The following NCOR2 variants were observed in gnomAD, a reference collection of about 807,000 sequenced individuals.
NCOR2 encodes the protein CTG repeat protein 26.
Under a neutral mutation model 262.9 loss-of-function variants are expected in NCOR2, and 81 were observed. The ratio of observed to expected loss-of-function variants is 0.31; its 90% CI spans 0.26 to 0.37. NCOR2 has a LOEUF of 0.37. Ranked by LOEUF, NCOR2 falls within the 10% of genes least tolerant of loss-of-function variation. The probability of loss-of-function intolerance (pLI) is 1.00; values close to 1 mark genes in which losing one functional copy is unlikely to be tolerated. For missense variants in NCOR2, 3,385 were observed against 3,621.4 expected (o/e 0.93, Z 1.68); for synonymous variants, 1,659 against 1,559.3 (o/e 1.06, Z -1.51).
At chr12:124,561,325 A>G (rs1196638181) in intron 1 of NCOR2, among the ~76,000 whole-genome samples, 1 of 152,148 alleles carries the variant, frequency 6.6e-6, no homozygotes, top group African/African-American at 2.4e-5. Context: ...ATTAAAAGTA[A>G]AAACTAAAAT....
intron 41 of NCOR2, 165 bp downstream of exon 43, chr12:124,334,259 T>A (rs985390334): frequency 1.9e-6 from 1 of 540,346 alleles, no homozygotes; most frequent in Non-Finnish European, 3.2e-6. Flanking sequence ...TCGTTATGTA[T>A]CCGCTCTGTG....
intron 13 of NCOR2, among the ~76,000 whole-genome samples, chr12:124,415,730 C>T (rs2042823492): frequency 6.6e-6 from 1 of 152,190 alleles, no homozygotes; most frequent in Admixed American, 6.5e-5. Flanking sequence ...CAGCAAAGCC[C>T]CACCAACTCC....
chr12:124,359,916 G>T (rs1221226823), intron 22 of NCOR2, among the ~76,000 whole-genome samples: 1 of 152,230 alleles, frequency 6.6e-6, no homozygotes, highest in East Asian at 1.9e-4. Context: ...GAGCTGAGCT[G>T]CAAGCCAGGC....
rs2050759394 is a variant in NCOR2, at chr12:124,531,356, C to CA, written c.-118+4208dup. Among the ~76,000 whole-genome samples, 1 of 152,194 alleles carries CA rather than the reference C, an allele frequency of 6.6e-6. No individual in the cohort carries two copies. The highest frequency in any genetic ancestry group is 1.5e-5 in the Non-Finnish European group (1 of 68,016). ...CAGGGCAGGCGCCTGGAGCCAACGG[C>CA]AGGAGGGGCATCCCCCGGGCCCGAT... is the stretch of plus-strand genomic sequence containing the variant. On this transcript the variant is annotated intron_variant, in intron 1 of 46. Transcript: ENST00000404621. The surrounding 1 kb of genome is among the most constrained non-coding windows in gnomAD (Gnocchi z 4.5).
intron 5 of NCOR2, among the ~76,000 whole-genome samples, chr12:124,463,729 A>C (rs1180142908): frequency 6.6e-6 from 1 of 152,250 alleles, no homozygotes; most frequent in East Asian, 1.9e-4. Context: ...AGGGGCGGTA[A>C]GTCCTGGCTG....
At chr12:124,325,483 G>C (rs765551355) in exon 47 of NCOR2, 11 of 1,363,888 alleles carry the variant, frequency 8.1e-6, no homozygotes, top group Non-Finnish European at 9.5e-6. Flanking sequence ...GGGGGCCAGC[G>C]AGGGGCCCGC....
chr12:124,344,531 G>A (rs1328443734), intron 32 of NCOR2, 66 bp downstream of exon 34: 1 of 1,344,718 alleles, frequency 7.4e-7, no homozygotes, highest in Non-Finnish European at 9.8e-7. Flanking sequence ...GCTAATGGTG[G>A]ATGGGGAGGC....
intron 5 of NCOR2, among the ~76,000 whole-genome samples, chr12:124,461,733 G>A (rs540592162): frequency 5.9e-5 from 9 of 152,300 alleles, no homozygotes; most frequent in Non-Finnish European, 8.8e-5. Context: ...ACAGCCTAAC[G>A]TGTACCCATG....
chr12:124,338,463 G>C (rs1285853776), intron 37 of NCOR2, among the ~76,000 whole-genome samples: 2 of 146,694 alleles, frequency 1.4e-5, no homozygotes, highest in African/African-American at 2.5e-5. Flanking sequence ...AGCAGAGATC[G>C]TACCACTGCA....
chr12:124,359,319 A>C (rs1170271901), intron 22 of NCOR2, among the ~76,000 whole-genome samples: 4 of 152,212 alleles, frequency 2.6e-5, no homozygotes, highest in Non-Finnish European at 5.9e-5. Context: ...CAGATGAACA[A>C]AGGAGGTTCT....
In NCOR2 at chr12:124,443,106, C is replaced by T. The variant is rs867869713; in HGVS notation, c.816-5110G>A. On this transcript the variant is annotated intron_variant, in intron 7 of 46. Coordinates refer to ENST00000405201, the Ensembl canonical transcript of NCOR2. The surrounding 1 kb of genome is among the most constrained non-coding windows in gnomAD (Gnocchi z 4.4). ...TCCAGTACTGTGAGAGAAGAAAGTTCCTGCCATTTTCAGCTGCCCGGTTCA... is the reference window on the plus strand; with the variant it reads ...TCCAGTACTGTGAGAGAAGAAAGTTTCTGCCATTTTCAGCTGCCCGGTTCA... Among the ~76,000 whole-genome samples, 25 of 152,236 alleles carry T rather than the reference C, an allele frequency of 1.6e-4. No homozygotes were observed. The highest frequency in any genetic ancestry group is 6.0e-4 in the African/African-American group (25 of 41,472).
intron 3 of NCOR2, among the ~76,000 whole-genome samples, chr12:124,475,961 CCAGGGACCCAGAGTG>C (rs2047081619): frequency 6.6e-6 from 1 of 152,226 alleles, no homozygotes; most frequent in Non-Finnish European, 1.5e-5. Context: ...AGCACCCCTT[CCAGGGACCCAGAGTG>C]CAGGACCTCC....
At chr12:124,471,922 C>T (rs953695047) in intron 4 of NCOR2, among the ~76,000 whole-genome samples, 11 of 152,258 alleles carry the variant, frequency 7.2e-5, no homozygotes, top group Admixed American at 2.0e-4. Context: ...GCAGGCCACA[C>T]AGGTCTCTGT....
chr12:124,488,821 G>A (rs753697928), intron 1 of NCOR2, among the ~76,000 whole-genome samples: 5 of 152,202 alleles, frequency 3.3e-5, no homozygotes, highest in Admixed American at 1.3e-4. Context: ...CCTGGGAAGA[G>A]GGCCTCGGCC....
chr12:124,470,433 A>T (rs2046773865), intron 4 of NCOR2, among the ~76,000 whole-genome samples: 1 of 152,240 alleles, frequency 6.6e-6, no homozygotes, highest in South Asian at 2.1e-4. Flanking sequence ...TATTCACAAC[A>T]GCCACAGCCC....
chr12:124,351,825 T>C (rs1662697186), intron 27 of NCOR2, among the ~76,000 whole-genome samples: 1 of 152,162 alleles, frequency 6.6e-6, no homozygotes. Context: ...CAAATCTCAA[T>C]ATCCCTCTTC....
intron 1 of NCOR2, among the ~76,000 whole-genome samples, chr12:124,563,102 C>T (rs1051546000): frequency 2.0e-5 from 3 of 152,178 alleles, no homozygotes; most frequent in African/African-American, 4.8e-5. Flanking sequence ...CACAGGTGGC[C>T]GGCAATGTGC....
chr12:124,510,207 C>T (rs1405388337), intron 1 of NCOR2, among the ~76,000 whole-genome samples: 1 of 152,224 alleles, frequency 6.6e-6, no homozygotes, highest in African/African-American at 2.4e-5. Flanking sequence ...CCCCACCCCA[C>T]AGGCACTGAT....
chr12:124,455,573 C>T (rs1300157707), intron 6 of NCOR2, among the ~76,000 whole-genome samples: 11 of 152,204 alleles, frequency 7.2e-5, no homozygotes, highest in Admixed American at 7.2e-4. Context: ...AGACGGACCC[C>T]GGGCTTTGGG....
Sources: gnomAD v4.1 joint callset for allele counts (sites outside exome capture counted in the v4.1 genomes callset) on GRCh38, gnomAD v4.1.1 for gene constraint, Gnocchi (gnomAD v3.1) non-coding constraint, MANE v1.5 for transcripts, NCBI Gene and HGNC (gene_info 2026-07-23, HGNC 2026-07-21) for gene names.